Variants in HSPA14 observed in about 807,000 individuals in gnomAD.
The protein encoded by HSPA14 is heat shock 70 kDa protein 14.
A neutral mutation model predicts 65.5 loss-of-function variants in HSPA14; 37 were observed. The ratio of observed to expected loss-of-function variants is 0.56; its 90% confidence interval spans 0.43 to 0.74. The LOEUF (loss-of-function observed/expected upper bound fraction) is 0.74. Among genes scored for constraint, HSPA14 ranks in the 30% least tolerant of loss-of-function variants. The pLI is 0.00. For missense variants in HSPA14, 564 were observed against 607.6 expected, an observed-to-expected ratio of 0.93 and a Z score of 0.75; for synonymous variants, 203 against 214.2, an observed-to-expected ratio of 0.95 and a Z score of 0.46.
At position 14,842,127 on chromosome 10, in the gene HSPA14, C is replaced by A; in HGVS notation, c.221+1970C>A. Reference sequence around the variant, plus strand: ...CCTGTAACTCTCATTCCCCTGTGGCCTTCCAGCCAGAAATGCGGTCCTTGG... The same window carrying A: ...CCTGTAACTCTCATTCCCCTGTGGCATTCCAGCCAGAAATGCGGTCCTTGG... On this transcript the variant is annotated intron_variant, in intron 3 of 13. Transcript: ENST00000378372. This position sits in a 1 kb window ranked among gnomAD's most constrained non-coding sequence, Gnocchi z 5.2. 3 of 1,530,834 alleles carry A rather than the reference C, an allele frequency of 2.0e-6. No homozygotes were observed. The highest frequency in any genetic ancestry group is 1.7e-6 in the Non-Finnish European group (2 of 1,143,464). The allele number at this position is 1,530,834 out of a possible 1,614,324, so 94.8% of individuals were successfully genotyped here. A position where few individuals can be genotyped will look rare whatever the true frequency, so the allele number is the denominator to read the frequency against.
At chr10:14,868,526 C>CACACACAT (rs879368010) in intron 12 of HSPA14, among the ~76,000 whole-genome samples, 2 of 151,962 alleles carry the variant, frequency 1.3e-5, no homozygotes, top group African/African-American at 4.8e-5. Flanking sequence ...CACACACACA[C>CACACACAT]GGACTGCAGA....
intron 10 of HSPA14, among the ~76,000 whole-genome samples, chr10:14,858,137 T>TA (rs1187641687): frequency 1.3e-5 from 2 of 152,194 alleles, no homozygotes; most frequent in African/African-American, 2.4e-5. Context: ...TGATAATACT[T>TA]ACCTTACAAG....
intron 13 of HSPA14, among the ~76,000 whole-genome samples, chr10:14,871,110 A>G (rs1052314839): frequency 1.7e-4 from 26 of 152,216 alleles, no homozygotes; most frequent in East Asian, 5.8e-4. Context: ...TATGTATTAC[A>G]AGTAAATCCT....
At chr10:14,844,099 C>G (rs1834012354) in intron 3 of HSPA14, 1 of 1,398,248 alleles carries the variant, frequency 7.2e-7, no homozygotes, top group Non-Finnish European at 9.3e-7. Context: ...CCAGGGGTGA[C>G]CTAATAGAAA....
intron 10 of HSPA14, among the ~76,000 whole-genome samples, chr10:14,856,281 T>G (rs944125393): frequency 4.6e-5 from 7 of 152,218 alleles, no homozygotes; most frequent in African/African-American, 1.7e-4. Context: ...AACTCTGAGG[T>G]AGGCACTACT....
chr10:14,867,096 G>C lies in HSPA14; in HGVS notation c.1007G>C (p.Gly336Ala), dbSNP rs1564327042. Residue 336 changes from glycine to alanine, a missense_variant, in exon 11 of 14, where the codon GGA becomes GCA. Transcript: ENST00000378372. The stretch of plus-strand genomic sequence containing the variant: ...TTTATTCTCTAGGTTGTCCTTTGTG[G>C]AGGGTCTTCTCGAATCCCAAAGCTA... The part of the protein sequence containing the change: ...ADDINKVVLC[G>A]GSSRIPKLQQ... The C allele has an allele frequency of 6.2e-7, 1 of 1,612,232 alleles. No individual in the cohort carries two copies. Among genetic ancestry groups the C allele is most frequent in the Non-Finnish European group, 8.5e-7 (1 of 1,178,576 alleles).
chr10:14,868,687 G>C (rs1832827811), intron 12 of HSPA14, among the ~76,000 whole-genome samples: 2 of 152,180 alleles, frequency 1.3e-5, no homozygotes, highest in Non-Finnish European at 2.9e-5. Flanking sequence ...CCATATTCCA[G>C]AAACTTCACA....
intron 12 of HSPA14, among the ~76,000 whole-genome samples, chr10:14,868,348 C>T (rs1013690423): frequency 2.0e-5 from 3 of 152,290 alleles, no homozygotes; most frequent in Admixed American, 1.3e-4. Context: ...ATGCTCTTCC[C>T]ATTGTGCCAT....
intron 13 of HSPA14, 34 bp downstream of exon 13, chr10:14,870,701 C>G (rs765621156): frequency 6.7e-7 from 1 of 1,487,558 alleles, no homozygotes; most frequent in Non-Finnish European, 9.1e-7. Flanking sequence ...TAAGAAAATT[C>G]AATTTGATAC....
rs987270661 is a variant in HSPA14, at chr10:14,854,145, G to C, written c.755G>C (p.Arg252Thr). 1.2e-6 allele frequency: 2 copies of C among 1,605,072 alleles called. No homozygotes were observed. The highest frequency in any genetic ancestry group is 1.7e-4 in the Middle Eastern group (1 of 6,026). ...EFQRSFKHDVRGNARAMMKLT... is the reference protein window; with the variant it reads ...EFQRSFKHDVTGNARAMMKLT... ...TTTAGATCCTTCAAACATGATGTGAGAGGAAATGCGCGAGCCATGATGAAA... is the reference window on the plus strand; with the variant it reads ...TTTAGATCCTTCAAACATGATGTGACAGGAAATGCGCGAGCCATGATGAAA... The change falls in exon 9 of 14, where the codon AGA becomes ACA. Residue 252 changes from arginine (R) to threonine (T), a missense_variant. Transcript: ENST00000378372.
rs1397443658 is a variant in HSPA14 at position 14,871,620 on chromosome 10, T to A, written c.*14T>A. ...ATAGCATCTTAGTGTTTTAGAGAAATCAAGAATTTTTAAAAACAAGAATAT... is the reference window on the plus strand; with the variant it reads ...ATAGCATCTTAGTGTTTTAGAGAAAACAAGAATTTTTAAAAACAAGAATAT... On this transcript the variant is annotated 3_prime_UTR_variant, in exon 14 of 14. Transcript: ENST00000378372. 2.8e-6 allele frequency: 4 copies of A among 1,444,620 alleles called. No homozygotes were observed. Among genetic ancestry groups the A allele is most frequent in the South Asian group, 1.2e-5 (1 of 81,722 alleles). 89.5% of individuals were successfully genotyped at this position (1,444,620 alleles called of 1,614,324 possible).
rs553255442 is a variant in HSPA14, at chr10:14,847,654, A to G, written c.222-955A>G. ...AACCCCGTTTGTCTGCCTCTTAACAAGTTAAGGTCTCCAGATGCTCTAACC... is the reference window on the plus strand; with the variant it reads ...AACCCCGTTTGTCTGCCTCTTAACAGGTTAAGGTCTCCAGATGCTCTAACC... On this transcript the variant is annotated intron_variant, in intron 3 of 13. Transcript: ENST00000378372. Among the ~76,000 whole-genome samples the G allele has an allele frequency of 1.2e-4, 18 of 152,302 alleles. No individual in the cohort carries two copies. In the South Asian group the frequency reaches 2.7e-3, roughly 23 times the overall value.
chr10:14,842,723 G>A lies in HSPA14; in HGVS notation c.221+2566G>A, dbSNP rs931597271. ...TCTAAAATCAAAAAGGACTCAGGCA[G>A]CTGATCATCAGCCTATCTTGAAAAC... On this transcript the variant is annotated intron_variant, in intron 3 of 13. Coordinates refer to ENST00000378372, the MANE Select transcript of HSPA14 (RefSeq NM_016299.4). The surrounding 1 kb of genome is among the most constrained non-coding windows in gnomAD (Gnocchi z 5.2). The A allele has an allele frequency of 1.4e-5, 22 of 1,536,440 alleles. No homozygotes were observed. Among genetic ancestry groups the A allele is most frequent in the African/African-American group, 4.1e-5 (3 of 73,034 alleles).
chr10:14,845,862 A>AATTC (rs1438903787), intron 3 of HSPA14: 1 of 327,608 alleles, frequency 3.1e-6, no homozygotes, highest in African/African-American at 2.2e-5. Flanking sequence ...GTGCCCAGCC[A>AATTC]ATTCATGCCT....
chr10:14,856,177 G>A (rs1036555778), intron 10 of HSPA14, among the ~76,000 whole-genome samples: 14 of 152,080 alleles, frequency 9.2e-5, no homozygotes, highest in African/African-American at 3.4e-4. Context: ...TTTTTTATCT[G>A]TAAGCATAGA....
chr10:14,850,053 C>G (rs1391170451), intron 6 of HSPA14, among the ~76,000 whole-genome samples: 1 of 152,048 alleles, frequency 6.6e-6, no homozygotes, highest in Admixed American at 6.6e-5. Context: ...GCGGGTGGAC[C>G]ACCTGAGGTC....
At chr10:14,860,329 A>G (rs1292899560) in intron 10 of HSPA14, among the ~76,000 whole-genome samples, 1 of 152,244 alleles carries the variant, frequency 6.6e-6, no homozygotes, top group Non-Finnish European at 1.5e-5. Context: ...GGGATACAGT[A>G]GTAGCTATGG....
At chr10:14,864,333 A>G (rs1367774901) in intron 10 of HSPA14, among the ~76,000 whole-genome samples, 1 of 69,328 alleles carries the variant, frequency 1.4e-5, no homozygotes, top group African/African-American at 5.5e-5. Context: ...TTTTATTTTT[A>G]TATATATTTT....
chr10:14,869,220 TGTGTAC>T lies in HSPA14; in HGVS notation c.1380+1322_1380+1327del, dbSNP rs1387135944. Among the ~76,000 whole-genome samples the T allele has an allele frequency of 3.9e-4, 58 of 147,622 alleles. No individual in the cohort carries two copies. In the South Asian group the frequency reaches 0.012, roughly 31 times the overall value. On this transcript the variant is annotated intron_variant, in intron 12 of 13. Coordinates refer to ENST00000378372, the MANE Select transcript of HSPA14 (RefSeq NM_016299.4). ...TGTTTATTAGTGATGAGATATTGTG[TGTGTAC>T]GTGTACGTGTGTGTGTGTGTGTGTG...
Sources: gnomAD v4.1 joint callset for allele counts (sites outside exome capture counted in the v4.1 genomes callset) on GRCh38, gnomAD v4.1.1 for gene constraint, Gnocchi (gnomAD v3.1) non-coding constraint, MANE v1.5 for transcripts, NCBI Gene and HGNC (gene_info 2026-07-23, HGNC 2026-07-21) for gene names.